CRYL1: variants seen among roughly 807,000 people sequenced by gnomAD.
CRYL1 encodes the protein crystallin lambda 1.
A neutral mutation model predicts 36.6 loss-of-function variants in CRYL1; 29 were observed. The ratio of observed to expected loss-of-function variants is 0.79; its 90% CI spans 0.59 to 1.08. The LOEUF (loss-of-function observed/expected upper bound fraction) is 1.08, where lower values mean the gene tolerates loss of function less well. Ranked by LOEUF, CRYL1 falls within the 50% of genes least tolerant of loss-of-function variation. The pLI is 0.00. For missense variants in CRYL1, 411 were observed against 407.9 expected (o/e 1.01, Z -0.06); for synonymous variants, 152 against 151.5 (o/e 1.00, Z -0.02).
At chr13:20,489,987 C>T (rs1039043135) in intron 2 of CRYL1, among the ~76,000 whole-genome samples, 12 of 152,150 alleles carry the variant, frequency 7.9e-5, no homozygotes, top group Admixed American at 2.6e-4. Context: ...TTCTGTCACA[C>T]GCTACAAAAT....
intron 3 of CRYL1, among the ~76,000 whole-genome samples, chr13:20,489,112 T>A (rs949131632): frequency 1.3e-5 from 2 of 152,212 alleles, no homozygotes; most frequent in African/African-American, 4.8e-5. Context: ...AATACAACAT[T>A]GTCACCAGAA....
At chr13:20,503,313 C>T (rs1382267613) in intron 2 of CRYL1, among the ~76,000 whole-genome samples, 2 of 152,180 alleles carry the variant, frequency 1.3e-5, no homozygotes, top group African/African-American at 4.8e-5. Context: ...GCAACAGACA[C>T]GGGCTTTAAT....
intron 3 of CRYL1, among the ~76,000 whole-genome samples, chr13:20,457,534 T>G (rs1235197136): frequency 6.6e-6 from 1 of 152,218 alleles, no homozygotes; most frequent in Non-Finnish European, 1.5e-5. Flanking sequence ...ACTCATTCGA[T>G]TCCAGAAAAA....
rs555790695 is a variant in CRYL1 at position 20,524,414 on chromosome 13, A to C, written c.41+1340T>G. On this transcript the variant is annotated intron_variant, in intron 1 of 7. Transcript: ENST00000298248. ...TTTTTTCAGACGGAGTTTCGCTCTT[A>C]TTGCCCAGACTGGAGTGCAATGGCA... Among the ~76,000 whole-genome samples the C allele has an allele frequency of 8.6e-5, 13 of 151,360 alleles. No homozygotes were observed. In the South Asian group the frequency reaches 2.5e-3, roughly 29 times the overall value.
At chr13:20,470,041 G>A (rs183663408) in intron 3 of CRYL1, among the ~76,000 whole-genome samples, 24 of 152,336 alleles carry the variant, frequency 1.6e-4, no homozygotes, top group Middle Eastern at 3.4e-3. Flanking sequence ...GCGATCACCT[G>A]GAGTTGGGGT....
chr13:20,471,515 G>A (rs771472452), intron 3 of CRYL1, among the ~76,000 whole-genome samples: 8 of 152,020 alleles, frequency 5.3e-5, no homozygotes, highest in Non-Finnish European at 1.2e-4. Flanking sequence ...TGAGGTAGGA[G>A]AATGGCGTGA....
intron 2 of CRYL1, among the ~76,000 whole-genome samples, chr13:20,511,706 C>T (rs1220192677): frequency 1.3e-5 from 2 of 152,194 alleles, no homozygotes; most frequent in Non-Finnish European, 2.9e-5. Context: ...TGTTCCGTGA[C>T]GGCACCGCAG....
At chr13:20,483,750 AG>A (rs1264887147) in intron 3 of CRYL1, among the ~76,000 whole-genome samples, 1 of 152,110 alleles carries the variant, frequency 6.6e-6, no homozygotes, top group African/African-American at 2.4e-5. Flanking sequence ...CATGTTGCTC[AG>A]GTTGGTCTCG....
intron 3 of CRYL1, among the ~76,000 whole-genome samples, chr13:20,480,226 T>C (rs1445023228): frequency 6.6e-6 from 1 of 151,894 alleles, no homozygotes; most frequent in Non-Finnish European, 1.5e-5. Context: ...ACTAAAAATA[T>C]AAAAATTATC....
intron 6 of CRYL1, among the ~76,000 whole-genome samples, chr13:20,410,338 A>T (rs1368596674): frequency 1.4e-5 from 2 of 144,886 alleles, no homozygotes; most frequent in Admixed American, 1.4e-4. Flanking sequence ...AACAATGAGA[A>T]CACATGAACA....
intron 6 of CRYL1, among the ~76,000 whole-genome samples, chr13:20,409,785 C>T (rs2031472352): frequency 6.6e-6 from 1 of 150,780 alleles, no homozygotes; most frequent in South Asian, 2.1e-4. Flanking sequence ...TGAAAAAATG[C>T]TCACCATCAC....
chr13:20,436,475 C>T (rs2032220177), intron 4 of CRYL1, among the ~76,000 whole-genome samples: 2 of 152,340 alleles, frequency 1.3e-5, no homozygotes, highest in Non-Finnish European at 2.9e-5. Context: ...AGCCCCTCCA[C>T]GTGGGAATTC....
chr13:20,520,479 C>G (rs1057191632), intron 1 of CRYL1, among the ~76,000 whole-genome samples: 55 of 152,302 alleles, frequency 3.6e-4, no homozygotes, highest in African/African-American at 1.3e-3. Context: ...AAACAGGCAG[C>G]AAATCCTTGG....
chr13:20,453,298 C>G (rs2032609303), intron 3 of CRYL1, among the ~76,000 whole-genome samples: 1 of 152,110 alleles, frequency 6.6e-6, no homozygotes, highest in South Asian at 2.1e-4. Context: ...AAAAGAATAT[C>G]TAGGAAATCC....
At chr13:20,497,183 T>TG (rs751647665) in intron 2 of CRYL1, among the ~76,000 whole-genome samples, 7 of 151,938 alleles carry the variant, frequency 4.6e-5, no homozygotes, top group Non-Finnish European at 1.0e-4. Flanking sequence ...AAGAGGCCGT[T>TG]GGGGGGTGCT....
At chr13:20,502,240 T>G (rs939895485) in intron 2 of CRYL1, among the ~76,000 whole-genome samples, 9 of 152,144 alleles carry the variant, frequency 5.9e-5, no homozygotes, top group African/African-American at 2.2e-4. Flanking sequence ...AAATGCACTG[T>G]AGGAAGAAAG....
intron 1 of CRYL1, among the ~76,000 whole-genome samples, chr13:20,522,320 A>C (rs1291158311): frequency 6.6e-6 from 1 of 151,992 alleles, no homozygotes; most frequent in East Asian, 1.9e-4. Context: ...ACTGCACTTC[A>C]GCCTGAGCCT....
rs542787810 is a variant in CRYL1, at chr13:20,518,321, C to T, written c.42-5771G>A. 7.5e-4 allele frequency among the ~76,000 whole-genome samples: 114 copies of T among 152,226 alleles called. 1 individual carries two copies. Among genetic ancestry groups the T allele is most frequent in the African/African-American group, 2.6e-3 (110 of 41,538 alleles). ...AGAGGCAGAGAAATGTTAAAAGCGC[C>T]ACCAGGGACTGTCTCACTGGGAAGG... On this transcript the variant is annotated intron_variant, in intron 1 of 7. Transcript: ENST00000298248.
At chr13:20,414,499 G>T (rs906325468) in intron 5 of CRYL1, among the ~76,000 whole-genome samples, 3 of 152,160 alleles carry the variant, frequency 2.0e-5, no homozygotes, top group African/African-American at 2.4e-5. Context: ...ACCCAGGGGG[G>T]AGTAAGATTA....
Sources: allele counts gnomAD v4.1 joint callset (sites outside exome capture counted in the v4.1 genomes callset), GRCh38; gene constraint gnomAD v4.1.1; transcripts MANE v1.5; gene names NCBI Gene and HGNC (gene_info 2026-07-23, HGNC 2026-07-21).